The following OSBPL10 variants were observed in gnomAD, a reference collection of about 807,000 sequenced individuals.
The protein encoded by OSBPL10 is oxysterol-binding protein-related protein 10.
A neutral mutation model predicts 81.7 loss-of-function variants in OSBPL10; 49 were observed. The observed-to-expected ratio is 0.60, with a 90% CI of 0.48 to 0.76. OSBPL10 has a LOEUF of 0.76. OSBPL10 is among the 30% of genes least tolerant of loss of function. The pLI is 0.00. For missense variants in OSBPL10, 923 were observed against 987.8 expected (o/e 0.93, Z 0.88); for synonymous variants, 419 against 383.6 (o/e 1.09, Z -1.08).
At chr3:31,861,226 C>T (rs1701050534) in intron 3 of OSBPL10, among the ~76,000 whole-genome samples, 1 of 151,990 alleles carries the variant, frequency 6.6e-6, no homozygotes, top group Non-Finnish European at 1.5e-5. Flanking sequence ...ACAGTCATCC[C>T]CTTGGTGTCC....
intron 7 of OSBPL10, among the ~76,000 whole-genome samples, chr3:31,691,150 A>G (rs1225090989): frequency 6.6e-6 from 1 of 152,168 alleles, no homozygotes; most frequent in Non-Finnish European, 1.5e-5. Context: ...CCGTTAACAT[A>G]ATTAAGACAG....
intron 10 of OSBPL10, among the ~76,000 whole-genome samples, chr3:31,667,709 A>C (rs147082889): frequency 1.3e-4 from 20 of 152,376 alleles, no homozygotes; most frequent in African/African-American, 4.8e-4. Flanking sequence ...TCTTGGTTGC[A>C]ACTACCTAAC....
intron 1 of OSBPL10, among the ~76,000 whole-genome samples, chr3:31,897,015 A>G (rs769230192): frequency 2.6e-5 from 4 of 152,230 alleles, no homozygotes; most frequent in Non-Finnish European, 5.9e-5. Context: ...ATCACAAAGC[A>G]CTAAAAGGTC....
chr3:31,693,267 AG>A (rs1201616038), intron 7 of OSBPL10, among the ~76,000 whole-genome samples: 1 of 152,226 alleles, frequency 6.6e-6, no homozygotes, highest in African/African-American at 2.4e-5. Context: ...TACAAAAAAA[AG>A]CTCAAGCACA....
Position 31,922,204 on chromosome 3 carries a change from T to C in OSBPL10, c.282-42374A>G, listed in dbSNP as rs540033761. Among the ~76,000 whole-genome samples, 6 of 152,378 alleles carry C rather than the reference T, an allele frequency of 3.9e-5. No individual in the cohort carries two copies. In the South Asian group the frequency reaches 1.2e-3, roughly 32 times the overall value. ...TAGGTAAACTATACACTTCAGTTAA[T>C]AATGAGGTGTAATATCGGTTATTAA... On this transcript the variant is annotated intron_variant, in intron 1 of 11. Transcript: ENST00000396556.
intron 8 of OSBPL10, among the ~76,000 whole-genome samples, chr3:31,672,665 A>G (rs1267995048): frequency 6.6e-6 from 1 of 152,178 alleles, no homozygotes; most frequent in Non-Finnish European, 1.5e-5. Flanking sequence ...TGTCCGAACC[A>G]GCAACATCAC....
At chr3:31,790,771 C>T (rs1461531032) in intron 4 of OSBPL10, among the ~76,000 whole-genome samples, 1 of 152,160 alleles carries the variant, frequency 6.6e-6, no homozygotes, top group African/African-American at 2.4e-5. Context: ...CACTCTGATC[C>T]ACTGGCAGCA....
chr3:31,941,515 C>T (rs568214498), intron 1 of OSBPL10, among the ~76,000 whole-genome samples: 2 of 152,298 alleles, frequency 1.3e-5, no homozygotes, highest in South Asian at 2.1e-4. Flanking sequence ...GATTTGGAAA[C>T]GTACCAAGAG....
chr3:32,038,243 C>T (rs1262711087), intron 2 of OSBPL10, among the ~76,000 whole-genome samples: 3 of 152,112 alleles, frequency 2.0e-5, no homozygotes, highest in Non-Finnish European at 4.4e-5. Flanking sequence ...AACATTACGG[C>T]CAGGAGAAAA....
At chr3:31,994,807 T>C (rs1488945885) in intron 2 of OSBPL10, among the ~76,000 whole-genome samples, 1 of 152,154 alleles carries the variant, frequency 6.6e-6, no homozygotes, top group Non-Finnish European at 1.5e-5. Context: ...AATACCCCAG[T>C]ATCAGGGGAA....
intron 6 of OSBPL10, among the ~76,000 whole-genome samples, chr3:31,719,771 A>G (rs1337386564): frequency 7.9e-5 from 12 of 152,224 alleles, no homozygotes; most frequent in Admixed American, 7.2e-4. Context: ...ATATATGTAG[A>G]GGACAATTTA....
intron 4 of OSBPL10, chr3:31,796,017 T>C: frequency 5.1e-6 from 1 of 197,398 alleles, no homozygotes; most frequent in Non-Finnish European, 1.2e-5. Flanking sequence ...GGTAAAAGCC[T>C]TATGAGCGCA....
chr3:32,021,325 G>C lies in OSBPL10; in HGVS notation n.298+25166C>G, dbSNP rs565044188. 3.3e-5 allele frequency among the ~76,000 whole-genome samples: 5 copies of C among 152,292 alleles called. No individual in the cohort carries two copies. The South Asian group carries it at 1.0e-3, about 32-fold the overall frequency. On this transcript the variant is annotated intron_variant and non_coding_transcript_variant, in intron 2 of 3. Transcript: ENST00000479173. The stretch of plus-strand genomic sequence containing the variant: ...TTCCAGGAGCACAGGCTCAAATAAA[G>C]TTCAACGTCATGAGGACAGATGTTA...
chr3:31,899,347 TA>T (rs1696165941), intron 1 of OSBPL10, among the ~76,000 whole-genome samples: 1 of 151,482 alleles, frequency 6.6e-6, no homozygotes, highest in South Asian at 2.1e-4. Context: ...AAATAGAATA[TA>T]AACAAAAGAA....
chr3:31,843,955 G>T (rs1700566579), intron 3 of OSBPL10, among the ~76,000 whole-genome samples: 1 of 152,228 alleles, frequency 6.6e-6, no homozygotes, highest in Non-Finnish European at 1.5e-5. Flanking sequence ...AGAGAGGGCA[G>T]ATGAGGCAAG....
chr3:31,776,476 C>G (rs1403899340), intron 4 of OSBPL10, among the ~76,000 whole-genome samples: 1 of 152,164 alleles, frequency 6.6e-6, no homozygotes, highest in Non-Finnish European at 1.5e-5. Flanking sequence ...TAAATGAACA[C>G]TGGTACCTAA....
intron 1 of OSBPL10, among the ~76,000 whole-genome samples, chr3:31,900,481 T>A (rs936222142): frequency 2.6e-5 from 4 of 152,130 alleles, no homozygotes; most frequent in Non-Finnish European, 4.4e-5. Context: ...ACCCCTGGCC[T>A]CTCCTCAGAC....
At chr3:31,943,967 CAAAAAAA>C (rs55770286) in intron 1 of OSBPL10, among the ~76,000 whole-genome samples, 21 of 37,780 alleles carry the variant, frequency 5.6e-4, no homozygotes, top group African/African-American at 1.7e-3. Flanking sequence ...GACTCCGTCT[CAAAAAAA>C]AAAAAAAAAA....
intron 6 of OSBPL10, 41 bp downstream of exon 6, chr3:31,733,216 T>C (rs1461996415): frequency 6.3e-7 from 1 of 1,596,798 alleles, no homozygotes; most frequent in Admixed American, 1.8e-5. Context: ...GAACAAGCGA[T>C]AACACAAGCC....
Sources: gnomAD v4.1 joint callset for allele counts (sites outside exome capture counted in the v4.1 genomes callset) on GRCh38, gnomAD v4.1.1 for gene constraint, MANE v1.5 for transcripts, NCBI Gene and HGNC (gene_info 2026-07-23, HGNC 2026-07-21) for gene names.